Variants in DPP6 observed in about 807,000 individuals in gnomAD.
DPP6 encodes dipeptidyl peptidase like 6.
Under a neutral mutation model 122.6 loss-of-function variants are expected in DPP6, and 69 were observed. The ratio of observed to expected loss-of-function variants is 0.56; its 90% confidence interval spans 0.46 to 0.69. The LOEUF is 0.69. Ranked by LOEUF, DPP6 falls within the 30% of genes least tolerant of loss-of-function variation. DPP6 has a pLI of 0.00. For synonymous variants in DPP6, 418 were observed against 433.1 expected (o/e 0.97, Z 0.43); for missense variants, 928 against 1,116.9 (o/e 0.83, Z 2.41).
intron 1 of DPP6, among the ~76,000 whole-genome samples, chr7:154,299,971 G>C (rs751146611): frequency 6.6e-6 from 1 of 152,176 alleles, no homozygotes; most frequent in African/African-American, 2.4e-5. Context: ...CACATCTGGA[G>C]GGGGGAGAAT....
chr7:153,984,053 AACACACACACAC>A (rs528640069), intron 1 of DPP6, among the ~76,000 whole-genome samples: 2,448 of 132,010 alleles, frequency 0.019, 67 homozygotes, highest in African/African-American at 0.058. Flanking sequence ...TTCTGTCCAT[AACACACACACAC>A]ACACACACAC....
intron 5 of DPP6, among the ~76,000 whole-genome samples, chr7:154,582,533 G>T (rs35627734): frequency 0.26 from 39,598 of 151,954 alleles, 5,480 homozygotes; most frequent in Admixed American, 0.36. Context: ...TTCCCACAGG[G>T]TCCCTTCCTC....
At chr7:154,147,420 G>A (rs1160606330) in intron 1 of DPP6, among the ~76,000 whole-genome samples, 1 of 151,688 alleles carries the variant, frequency 6.6e-6, no homozygotes, top group African/African-American at 2.4e-5. Context: ...GGTTGGGTGG[G>A]GGAGGTTTTA....
chr7:153,805,745 C>T, the DPP6 span, among the ~76,000 whole-genome samples: 7 of 152,152 alleles, frequency 4.6e-5, no homozygotes, highest in Non-Finnish European at 7.4e-5. Flanking sequence ...AGCAAACTAC[C>T]GCAAGGACAA....
At position 154,807,201 on chromosome 7, in the gene DPP6, G is replaced by T. The variant is rs115951798; in HGVS notation, c.1666+89G>T. On this transcript the variant is annotated intron_variant, in intron 16 of 25. Transcript: ENST00000377770. The stretch of plus-strand genomic sequence containing the variant: ...GGCACACTTGCAGGGAGGGGGCAGC[G>T]GCTGTGGTGGGAGCACAGCGTATTC... 3.9e-3 allele frequency: 5,936 copies of T among 1,519,024 alleles called. 203 individuals are homozygous for T. The African/African-American group carries it at 0.072, about 19-fold the overall frequency. The allele number at this position is 1,519,024 out of a possible 1,614,324, so 94.1% of individuals were successfully genotyped here.
intron 8 of DPP6, among the ~76,000 whole-genome samples, chr7:154,728,717 T>C (rs1842191500): frequency 6.6e-6 from 1 of 152,206 alleles, no homozygotes. Flanking sequence ...AAGTCCAAGA[T>C]CAGGGTGCTG....
intron 1 of DPP6, among the ~76,000 whole-genome samples, chr7:153,949,823 A>G (rs914334947): frequency 6.6e-6 from 1 of 152,166 alleles, no homozygotes; most frequent in Admixed American, 6.5e-5. Flanking sequence ...TCTCTGTAAC[A>G]ATTGTTGCTA....
Position 154,641,142 on chromosome 7 carries a change from C to A in DPP6, c.680+3269C>A, listed in dbSNP as rs555527130. On this transcript the variant is annotated intron_variant, in intron 6 of 25. Transcript: ENST00000377770. Reference sequence around the variant, plus strand: ...GCTGTTAGCTTCCTTCCTCCGATGGCTGTGACCTCTATAGCTGGGGCCAGG... The same window carrying A: ...GCTGTTAGCTTCCTTCCTCCGATGGATGTGACCTCTATAGCTGGGGCCAGG... Among the ~76,000 whole-genome samples the A allele has an allele frequency of 5.1e-4, 77 of 152,150 alleles. 1 individual carries two copies. Among genetic ancestry groups the A allele is most frequent in the Admixed American group, 3.2e-3 (49 of 15,270 alleles).
intron 1 of DPP6, among the ~76,000 whole-genome samples, chr7:154,369,457 C>T (rs895777793): frequency 6.6e-6 from 1 of 151,632 alleles, no homozygotes; most frequent in Admixed American, 6.6e-5. Flanking sequence ...AACCTTCCGC[C>T]TCCTGGGTTC....
intron 1 of DPP6, among the ~76,000 whole-genome samples, chr7:154,172,605 CTTTTTT>C (rs539600568): frequency 1.5e-4 from 21 of 137,416 alleles, no homozygotes; most frequent in African/African-American, 5.7e-4. Flanking sequence ...CTTTTTTTTT[CTTTTTT>C]TTTTTTTTTG....
At chr7:153,963,312 G>T (rs759095286) in intron 1 of DPP6, among the ~76,000 whole-genome samples, 1 of 151,222 alleles carries the variant, frequency 6.6e-6, no homozygotes, top group South Asian at 2.1e-4. Context: ...GGCACTATGG[G>T]GGCTTTAGTG....
chr7:154,859,287 G>A (rs1803111747), intron 17 of DPP6, among the ~76,000 whole-genome samples: 1 of 152,276 alleles, frequency 6.6e-6, no homozygotes, highest in South Asian at 2.1e-4. Flanking sequence ...GGCTGAGCCA[G>A]GAAAGCGGGG....
intron 17 of DPP6, among the ~76,000 whole-genome samples, chr7:154,860,934 C>T (rs533687987): frequency 6.6e-6 from 1 of 152,230 alleles, no homozygotes; most frequent in East Asian, 1.9e-4. Flanking sequence ...CTCTTTCCTG[C>T]AGATCATATG....
chr7:154,590,341 T>C (rs1052003890), intron 5 of DPP6, among the ~76,000 whole-genome samples: 1 of 151,840 alleles, frequency 6.6e-6, no homozygotes, highest in African/African-American at 2.4e-5. Flanking sequence ...CCTGGTCTTC[T>C]GAAACTTATT....
rs372540325 is a variant in DPP6 at position 154,124,586 on chromosome 7, T to C, written c.243+71523T>C. 2.8e-4 allele frequency among the ~76,000 whole-genome samples: 42 copies of C among 152,334 alleles called. 1 individual carries two copies. The South Asian group carries it at 8.5e-3, about 31-fold the overall frequency. On this transcript the variant is annotated intron_variant, in intron 1 of 25. Transcript: ENST00000377770. ...AACAGTGCAGATAGAAAGCAGTAAA[T>C]GGTTTCAAAAATATCCCAAACAATA...
At chr7:153,966,795 G>A (rs1795763993) in intron 1 of DPP6, among the ~76,000 whole-genome samples, 2 of 151,490 alleles carry the variant, frequency 1.3e-5, no homozygotes, top group South Asian at 4.2e-4. Flanking sequence ...CAGGCTTGGT[G>A]GTGGCTCATG....
chr7:154,544,865 A>T (rs895532382), intron 4 of DPP6, among the ~76,000 whole-genome samples: 3 of 152,180 alleles, frequency 2.0e-5, no homozygotes, highest in African/African-American at 7.2e-5. Flanking sequence ...CTATGAAGGA[A>T]GAGACAGAGG....
chr7:153,928,217 CTT>C (rs562514728), intron 1 of DPP6, among the ~76,000 whole-genome samples: 1 of 141,234 alleles, frequency 7.1e-6, no homozygotes. Context: ...TTCTTTTTTT[CTT>C]TTTTTTTTTT....
chr7:154,812,956 G>A (rs1247912153), intron 16 of DPP6, among the ~76,000 whole-genome samples: 2 of 151,782 alleles, frequency 1.3e-5, no homozygotes, highest in Non-Finnish European at 2.9e-5. Context: ...ATGCTTATAT[G>A]TTTATGTTTT....
Sources: allele counts gnomAD v4.1 joint callset (sites outside exome capture counted in the v4.1 genomes callset), GRCh38; gene constraint gnomAD v4.1.1; transcripts MANE v1.5; gene names NCBI Gene and HGNC (gene_info 2026-07-23, HGNC 2026-07-21).